Variants in SH3BGR observed in about 807,000 individuals in gnomAD.
SH3BGR encodes SH3 domain binding glutamate rich protein.
Under a neutral mutation model 24.5 loss-of-function variants are expected in SH3BGR, and 29 were observed. The ratio of observed to expected loss-of-function variants is 1.18; its 90% CI spans 0.88 to 1.61. SH3BGR has a LOEUF of 1.61. SH3BGR is among the 40% of genes most tolerant of loss of function. The pLI is 0.00. For missense variants in SH3BGR, 162 were observed against 205.8 expected (o/e 0.79, Z 1.30); for synonymous variants, 55 against 65.7 (o/e 0.84, Z 0.79).
intron 4 of SH3BGR, among the ~76,000 whole-genome samples, chr21:39,501,472 C>A (rs1797636353): frequency 6.6e-6 from 1 of 152,104 alleles, no homozygotes; most frequent in South Asian, 2.1e-4. Flanking sequence ...TTAAAAAAAC[C>A]ATTTTTTGTT....
chr21:39,506,832 A>G (rs2078592042), intron 4 of SH3BGR, among the ~76,000 whole-genome samples: 1 of 152,174 alleles, frequency 6.6e-6, no homozygotes, highest in Non-Finnish European at 1.5e-5. Context: ...AGGGTAGTAC[A>G]GTAAGGTTGG....
At chr21:39,489,005 CAG>C (rs1387201443) in intron 3 of SH3BGR, among the ~76,000 whole-genome samples, 3 of 152,180 alleles carry the variant, frequency 2.0e-5, no homozygotes, top group Non-Finnish European at 2.9e-5. Context: ...AGATGAGCAA[CAG>C]AGAGAATGAA....
At chr21:39,459,059 C>T (rs910311986) in intron 1 of SH3BGR, among the ~76,000 whole-genome samples, 1 of 150,914 alleles carries the variant, frequency 6.6e-6, no homozygotes, top group African/African-American at 2.4e-5. Flanking sequence ...TTCACCCAAA[C>T]AAGCAGTTTA....
At chr21:39,499,060 A>G (rs1168594669) in intron 3 of SH3BGR, among the ~76,000 whole-genome samples, 3 of 152,194 alleles carry the variant, frequency 2.0e-5, no homozygotes, top group Non-Finnish European at 4.4e-5. Flanking sequence ...TTATAAAACC[A>G]TTAGATCTCG....
chr21:39,470,329 G>A (rs1007124909), intron 2 of SH3BGR, among the ~76,000 whole-genome samples: 38 of 151,680 alleles, frequency 2.5e-4, no homozygotes, highest in African/African-American at 8.5e-4. Flanking sequence ...TGCAGTCTTG[G>A]CTCACTGCAG....
At chr21:39,480,271 C>A (rs1272018903) in intron 3 of SH3BGR, among the ~76,000 whole-genome samples, 3 of 152,308 alleles carry the variant, frequency 2.0e-5, no homozygotes, top group Non-Finnish European at 2.9e-5. Flanking sequence ...AGTTGTGCAA[C>A]CACCACCACT....
chr21:39,468,711 T>A (rs2077885051), intron 2 of SH3BGR, among the ~76,000 whole-genome samples: 2 of 152,224 alleles, frequency 1.3e-5, no homozygotes, highest in Non-Finnish European at 2.9e-5. Context: ...CGTGCTGGGA[T>A]TACTGGTGTG....
chr21:39,452,233 T>G (rs538842075), intron 1 of SH3BGR, 92 bp downstream of exon 1: 2 of 1,473,650 alleles, frequency 1.4e-6, no homozygotes, highest in East Asian at 4.5e-5. Context: ...GTTTCTTTTT[T>G]GCGTGTAGTC....
intron 3 of SH3BGR, among the ~76,000 whole-genome samples, chr21:39,494,123 A>G (rs2078350969): frequency 1.3e-5 from 2 of 152,160 alleles, no homozygotes; most frequent in Admixed American, 1.3e-4. Context: ...TTGCCATCAT[A>G]TGCATCCATT....
chr21:39,498,593 C>T (rs1053287695), intron 3 of SH3BGR, among the ~76,000 whole-genome samples: 3 of 152,202 alleles, frequency 2.0e-5, no homozygotes, highest in Non-Finnish European at 4.4e-5. Flanking sequence ...AACACTCTCA[C>T]TTTACATAAT....
chr21:39,510,365 T>TACGCGCGCAC (rs1555915353), intron 5 of SH3BGR, among the ~76,000 whole-genome samples: 8 of 115,856 alleles, frequency 6.9e-5, no homozygotes, highest in Admixed American at 1.7e-4. Context: ...TGTAGCTACA[T>TACGCGCGCAC]ACACACACAC....
At chr21:39,479,229 G>GTGGTGATGGTGGTGA (rs1555912275) in intron 3 of SH3BGR, among the ~76,000 whole-genome samples, 2 of 142,020 alleles carry the variant, frequency 1.4e-5, no homozygotes, top group African/African-American at 5.3e-5. Context: ...GGTAAGGGTG[G>GTGGTGATGGTGGTGA]TGGTGGTGGT....
chr21:39,460,737 G>T (rs1352935264), intron 1 of SH3BGR, among the ~76,000 whole-genome samples: 1 of 151,962 alleles, frequency 6.6e-6, no homozygotes, highest in African/African-American at 2.4e-5. Context: ...CAAAGTGTTG[G>T]GATTACAGGT....
intron 3 of SH3BGR, among the ~76,000 whole-genome samples, chr21:39,489,405 T>C (rs367918010): frequency 6.6e-6 from 1 of 152,228 alleles, no homozygotes; most frequent in Non-Finnish European, 1.5e-5. Flanking sequence ...AGTGGCTCTG[T>C]GGGCCCTGCA....
chr21:39,447,351 C>G (rs539880077), upstream of SH3BGR, among the ~76,000 whole-genome samples: 1 of 151,882 alleles, frequency 6.6e-6, no homozygotes, highest in Non-Finnish European at 1.5e-5. Flanking sequence ...CCAGCTTTTC[C>G]CAGTCTGTAG....
intron 4 of SH3BGR, among the ~76,000 whole-genome samples, chr21:39,501,026 C>T (rs534875434): frequency 4.6e-5 from 7 of 152,238 alleles, no homozygotes; most frequent in Admixed American, 6.5e-5. Context: ...AGAAGTTAGA[C>T]GGTGTTTCAT....
At position 39,452,128 on chromosome 21, in the gene SH3BGR, C is replaced by T. The variant is rs746290397; in HGVS notation, c.32C>T (p.Ser11Phe). 3 of 1,614,052 alleles carry T rather than the reference C, an allele frequency of 1.9e-6. No homozygotes were observed. The Admixed American group carries it at 5.0e-5, about 27-fold the overall frequency. Residue 11 changes from serine (S) to phenylalanine (F), a missense_variant, in exon 1 of 7, where the codon TCT becomes TTT. Transcript: ENST00000333634. The part of the protein sequence containing the change: MVIKVFVATS[S>F]GSIAIRKKQQ... ...ATCAAAGTGTTTGTTGCTACATCTT[C>T]TGGGTCCATAGCGGTAGGTGTCTGG...
intron 4 of SH3BGR, among the ~76,000 whole-genome samples, chr21:39,503,498 C>T (rs901428938): frequency 2.2e-4 from 34 of 152,172 alleles, no homozygotes; most frequent in Non-Finnish European, 7.4e-5. Flanking sequence ...AAAAACCTCT[C>T]TCCAGCACCT....
chr21:39,463,298 A>G (rs2077786186), intron 2 of SH3BGR, among the ~76,000 whole-genome samples: 1 of 152,270 alleles, frequency 6.6e-6, no homozygotes, highest in Non-Finnish European at 1.5e-5. Flanking sequence ...GGTTATAACA[A>G]CAATTTTGTT....
Sources: gnomAD v4.1 joint callset for allele counts (sites outside exome capture counted in the v4.1 genomes callset) on GRCh38, gnomAD v4.1.1 for gene constraint, MANE v1.5 for transcripts, NCBI Gene and HGNC (gene_info 2026-07-23, HGNC 2026-07-21) for gene names.